VPS13C: variants seen among roughly 807,000 people sequenced by gnomAD.
VPS13C encodes intermembrane lipid transfer protein VPS13C.
A neutral mutation model predicts 456.8 loss-of-function variants in VPS13C; 358 were observed. The observed-to-expected ratio is 0.78, with a 90% CI of 0.72 to 0.86. VPS13C has a LOEUF of 0.86. Among genes scored for constraint, VPS13C ranks in the 40% least tolerant of loss-of-function variants. VPS13C has a pLI of 0.00. For missense variants in VPS13C, 4,818 were observed against 4,385.4 expected, an observed-to-expected ratio of 1.10 and a Z score of -2.79; for synonymous variants, 1,578 against 1,486.7, an observed-to-expected ratio of 1.06 and a Z score of -1.41.
intron 82 of VPS13C, among the ~76,000 whole-genome samples, chr15:61,862,549 A>T (rs12917238): frequency 6.6e-6 from 1 of 152,090 alleles, no homozygotes; most frequent in African/African-American, 2.4e-5. Context: ...AGACAAAAAA[A>T]CATTGTTTTT....
In VPS13C at chr15:61,882,724, T is replaced by C. The variant is rs1895954497; in HGVS notation, c.9496A>G (p.Lys3166Glu). ...GGGAGGCGCATTTCCATTGGATCTT[T>C]ATCAAAATTGACCTAGAAAAAAAGC... Reference protein sequence around the residue: ...LDNNFEVNFDKDPMEMRLPIR... With the variant: ...LDNNFEVNFDEDPMEMRLPIR... Residue 3166 changes from lysine (K) to glutamate (E), a missense_variant, in exon 69 of 85, where the codon AAA (lysine) becomes GAA (glutamate). Lys to Glu is a moderately conservative substitution (Grantham distance 56). Around this residue, in one of 3 missense-constraint regions of VPS13C, gnomAD observed 4,552 missense variants for 4,130.6 expected, o/e 1.10. Transcript: ENST00000644861. 2 of 1,591,750 alleles carry C rather than the reference T, an allele frequency of 1.3e-6. No homozygotes were observed. The highest frequency in any genetic ancestry group is 1.7e-6 in the Non-Finnish European group (2 of 1,171,518).
chr15:61,910,268 A>G lies in VPS13C; in HGVS notation c.8753T>C (p.Leu2918Pro). ...TTCACAGCCCACCACTCTCACACAA[A>G]GTTTGCCTGACAAACTTTCTGGCCA... is the stretch of plus-strand genomic sequence containing the variant. The part of the protein sequence containing the change: ...PFWPESLSGK[L>P]CVRVVGCEGS... Residue 2918 changes from leucine (L) to proline (P), a missense_variant, in exon 64 of 85, where the codon CTT (leucine) becomes CCT (proline). By Grantham distance (98) the Leu-to-Pro change is moderately conservative. Transcript: ENST00000644861. 3 of 1,527,444 alleles carry G rather than the reference A, an allele frequency of 2.0e-6. No homozygotes were observed. Among genetic ancestry groups the G allele is most frequent in the Non-Finnish European group, 2.7e-6 (3 of 1,131,756 alleles). The allele number at this position is 1,527,444 out of a possible 1,614,324, so 94.6% of individuals were successfully genotyped here.
chr15:61,915,996 T>C lies in VPS13C; in HGVS notation c.8082A>G (p.Ala2694=). The part of the protein sequence containing the change: ...LEGTAETHEL[A]EGSTADVLHS... ...GCAGAACATCAGCAGTACTGCCTTC[T>C]GCCAGCTCATGAGTTTCTGCTGTTC... The change falls in exon 61 of 85, where the codon GCA becomes GCG. Residue 2694 remains alanine (A), a synonymous_variant. Coordinates refer to ENST00000644861, the MANE Select transcript of VPS13C (RefSeq NM_020821.3). 1.3e-6 allele frequency: 2 copies of C among 1,594,974 alleles called. No homozygotes were observed.
rs867411814 is a variant in VPS13C, at chr15:62,009,969, T to C, written c.1011+503A>G. Among the ~76,000 whole-genome samples the C allele has an allele frequency of 2.6e-5, 4 of 151,958 alleles. No homozygotes were observed. The South Asian group carries it at 6.2e-4, about 24-fold the overall frequency. On this transcript the variant is annotated intron_variant, in intron 13 of 84. Transcript: ENST00000644861. ...CTGGGAGGCCGAGGCGGGCAGATCA[T>C]GAGGTCAGGAGATCGAGACCACCCT...
At chr15:61,890,923 T>C (rs1264819793) in intron 66 of VPS13C, among the ~76,000 whole-genome samples, 1 of 152,172 alleles carries the variant, frequency 6.6e-6, no homozygotes, top group African/African-American at 2.4e-5. Context: ...GGCGGGCACC[T>C]GTAATCCCAG....
In VPS13C at chr15:61,959,481, A is replaced by T. The variant is rs1268978355; in HGVS notation, c.4023T>A (p.Val1341=). The change falls in exon 36 of 85, where the codon GTT becomes GTA. Residue 1341 remains valine, a synonymous_variant. Coordinates refer to ENST00000644861, the MANE Select transcript of VPS13C (RefSeq NM_020821.3). ...AATCAAGATGTCCTTTAATTTCCACAACAGGCACCTTGTGGTACCAAGATG... is the reference window on the plus strand; with the variant it reads ...AATCAAGATGTCCTTTAATTTCCACTACAGGCACCTTGTGGTACCAAGATG... ...LAASWYHKVP[V]VEIKGHLDSM... The T allele has an allele frequency of 1.2e-5, 19 of 1,612,730 alleles. No homozygotes were observed. Among genetic ancestry groups the T allele is most frequent in the Non-Finnish European group, 1.5e-5 (18 of 1,179,146 alleles).
chr15:61,858,368 A>G lies in VPS13C; in HGVS notation c.10953-1959T>C, dbSNP rs933398547. Reference sequence around the variant, plus strand: ...TATCTATCTATCTATCTATCTGTCTATCTATCTCCCTCCCTCCCTATCATG... The same window carrying G: ...TATCTATCTATCTATCTATCTGTCTGTCTATCTCCCTCCCTCCCTATCATG... On this transcript the variant is annotated intron_variant, in intron 82 of 84. Coordinates refer to ENST00000644861, the MANE Select transcript of VPS13C (RefSeq NM_020821.3). This position sits in a 1 kb window ranked among gnomAD's most constrained non-coding sequence, Gnocchi z 4.4. Among the ~76,000 whole-genome samples, 41 of 148,098 alleles carry G rather than the reference A, an allele frequency of 2.8e-4. No homozygotes were observed. The highest frequency in any genetic ancestry group is 1.0e-3 in the African/African-American group (40 of 39,744).
At chr15:61,929,275 G>A (rs2043972648) in intron 51 of VPS13C, among the ~76,000 whole-genome samples, 2 of 152,130 alleles carry the variant, frequency 1.3e-5, no homozygotes, top group African/African-American at 4.8e-5. Flanking sequence ...AAATGTTCAT[G>A]GCACAGTTGG....
intron 74 of VPS13C, among the ~76,000 whole-genome samples, chr15:61,877,525 T>C (rs149927158): frequency 2.9e-3 from 438 of 148,630 alleles, no homozygotes; most frequent in Non-Finnish European, 4.7e-3. Context: ...ACATTTCCAA[T>C]TTTTGCTAAA....
At chr15:61,871,933 T>C (rs1895061305) in intron 79 of VPS13C, 56 bp downstream of exon 79, 1 of 1,473,880 alleles carries the variant, frequency 6.8e-7, no homozygotes, top group Non-Finnish European at 9.4e-7. Flanking sequence ...CTACTATGTT[T>C]ACTAATAGCA....
chr15:61,972,599 CTATT>C, intron 27 of VPS13C, 22 bp downstream of exon 27: 1 of 1,606,788 alleles, frequency 6.2e-7, no homozygotes, highest in Non-Finnish European at 8.5e-7. Flanking sequence ...CAGAATATAT[CTATT>C]TATAGACAAA....
intron 59 of VPS13C, among the ~76,000 whole-genome samples, chr15:61,917,865 G>A (rs1025948499): frequency 6.6e-6 from 1 of 151,952 alleles, no homozygotes; most frequent in Non-Finnish European, 1.5e-5. Flanking sequence ...AAACAACTCT[G>A]TAAACAAGAC....
At chr15:61,973,746 C>T (rs545442427) in intron 25 of VPS13C, among the ~76,000 whole-genome samples, 12 of 152,204 alleles carry the variant, frequency 7.9e-5, no homozygotes, top group African/African-American at 2.9e-4. Context: ...CTACCACCCA[C>T]ATCTACAAGG....
At chr15:61,953,585 TGCATA>T (rs778477920) in intron 38 of VPS13C, among the ~76,000 whole-genome samples, 29 of 152,152 alleles carry the variant, frequency 1.9e-4, no homozygotes, top group Non-Finnish European at 3.4e-4. Context: ...TTTTTATGGC[TGCATA>T]GTATTCCATG....
At position 61,919,393 on chromosome 15, in the gene VPS13C, A is replaced by G. The variant is rs932469437; in HGVS notation, c.7534T>C (p.Leu2512=). The G allele has an allele frequency of 3.1e-6, 5 of 1,602,908 alleles. No individual in the cohort carries two copies. Among genetic ancestry groups the G allele is most frequent in the Non-Finnish European group, 3.4e-6 (4 of 1,175,298 alleles). The part of the protein sequence containing the change: ...NIPVARPGRR[L]YNVRNPNASH... ...GCATTGGGATTCCGTACATTATACAATCGCCGTCCAGGTCTGGCCACAGGG... is the reference window on the plus strand; with the variant it reads ...GCATTGGGATTCCGTACATTATACAGTCGCCGTCCAGGTCTGGCCACAGGG... Residue 2512 remains leucine, a synonymous_variant, in exon 58 of 85, where the codon TTG becomes CTG. Transcript: ENST00000644861.
chr15:61,917,402 T>A lies in VPS13C; in HGVS notation c.7994A>T (p.His2665Leu). ...GEDWDVAYII[H>L]LYPSLTLRNL... ...CCGCAAAGTGAGAGAAGGATAAAGA[T>A]GAATAATGTAAGCTACATCCCAGTC... Residue 2665 changes from histidine to leucine, a missense_variant, in exon 60 of 85, where the codon CAT becomes CTT. Transcript: ENST00000644861. 1 of 1,613,996 alleles carries A rather than the reference T, an allele frequency of 6.2e-7. No individual in the cohort carries two copies. The highest frequency in any genetic ancestry group is 8.5e-7 in the Non-Finnish European group (1 of 1,179,896).
At chr15:61,943,774 A>G (rs140328778) in intron 45 of VPS13C, among the ~76,000 whole-genome samples, 303 of 152,260 alleles carry the variant, frequency 2.0e-3, no homozygotes, top group African/African-American at 6.8e-3. Context: ...TGCAACAAAA[A>G]TAAAAATTGA....
At position 61,898,575 on chromosome 15, in the gene VPS13C, C is replaced by A. The variant is rs553552738; in HGVS notation, c.9106-8175G>T. ...TAACTTTCCTAAATATATATGCACC[C>A]AACACAGGAGCACCCAGATTCATAA... is the stretch of plus-strand genomic sequence containing the variant. On this transcript the variant is annotated intron_variant, in intron 66 of 84. Transcript: ENST00000644861. Among the ~76,000 whole-genome samples, 11 of 151,958 alleles carry A rather than the reference C, an allele frequency of 7.2e-5. No homozygotes were observed. In the South Asian group the frequency reaches 1.9e-3, roughly 26 times the overall value.
At chr15:61,973,412 T>C (rs2045613832) in intron 26 of VPS13C, 42 bp downstream of exon 26, 2 of 1,495,606 alleles carry the variant, frequency 1.3e-6, no homozygotes, top group Non-Finnish European at 9.3e-7. Flanking sequence ...TAACAATGTA[T>C]AGGCTTAATT....
Sources: allele counts gnomAD v4.1 joint callset (sites outside exome capture counted in the v4.1 genomes callset), GRCh38; gene constraint gnomAD v4.1.1; regional missense constraint gnomAD v4.1.1; non-coding constraint Gnocchi (gnomAD v3.1); transcripts MANE v1.5; gene names NCBI Gene and HGNC (gene_info 2026-07-23, HGNC 2026-07-21).